RCOR1: variants seen among roughly 807,000 people sequenced by gnomAD.
The protein encoded by RCOR1 is REST corepressor.
In RCOR1, 12 loss-of-function variants were observed where a neutral mutation model predicts 64.0. The observed-to-expected ratio is 0.19, with a 90% CI of 0.12 to 0.30. The LOEUF (loss-of-function observed/expected upper bound fraction) is 0.30, where lower values mean the gene tolerates loss of function less well. RCOR1 is among the 10% of genes least tolerant of loss of function. The pLI, the probability that RCOR1 is intolerant of heterozygous loss-of-function variation, is 1.00. For missense variants in RCOR1, 502 were observed against 621.2 expected (o/e 0.81, Z 2.04); for synonymous variants, 279 against 227.2 (o/e 1.23, Z -2.05).
chr14:102,638,499 C>G (rs1220699313), intron 2 of RCOR1, among the ~76,000 whole-genome samples: 3 of 152,006 alleles, frequency 2.0e-5, no homozygotes, highest in East Asian at 1.9e-4. Flanking sequence ...GCCCCTGCCA[C>G]CATGCCCAGC....
intron 2 of RCOR1, among the ~76,000 whole-genome samples, chr14:102,616,435 A>G (rs542627382): frequency 6.6e-6 from 1 of 151,962 alleles, no homozygotes; most frequent in African/African-American, 2.4e-5. Context: ...ATGCCCAGCT[A>G]ATTAAATTTT....
At chr14:102,640,974 C>G (rs1301360192) in intron 2 of RCOR1, among the ~76,000 whole-genome samples, 1 of 152,110 alleles carries the variant, frequency 6.6e-6, no homozygotes, top group Non-Finnish European at 1.5e-5. Context: ...AGAAAAGAGG[C>G]TGGGTGTGGT....
At chr14:102,668,676 C>T (rs1894967489) in intron 2 of RCOR1, among the ~76,000 whole-genome samples, 1 of 151,942 alleles carries the variant, frequency 6.6e-6, no homozygotes, top group African/African-American at 2.4e-5. Flanking sequence ...ACATACCCCT[C>T]GTTAACCACC....
chr14:102,634,274 G>A (rs962173256), intron 2 of RCOR1, among the ~76,000 whole-genome samples: 10 of 152,028 alleles, frequency 6.6e-5, no homozygotes, highest in African/African-American at 2.2e-4. Context: ...TTGGTTGGCC[G>A]AGGCAGGAGG....
At chr14:102,617,041 A>G (rs1478598930) in intron 2 of RCOR1, among the ~76,000 whole-genome samples, 1 of 152,236 alleles carries the variant, frequency 6.6e-6, no homozygotes, top group East Asian at 1.9e-4. Context: ...AGGAAGGCCA[A>G]ATATATATTT....
At position 102,630,074 on chromosome 14, in the gene RCOR1, A is replaced by T. The variant is rs577584535; in HGVS notation, c.361+36749A>T. 28 of 825,864 alleles carry T rather than the reference A, an allele frequency of 3.4e-5. No homozygotes were observed. The African/African-American group carries it at 5.1e-4, about 15-fold the overall frequency. The allele number at this position is 825,864 out of a possible 1,614,324, so 51.2% of individuals were successfully genotyped here. ...ATGTGGTTTGTCCTTAGCAAACCTCATGTTGAAATTTGATCTCCAGTGTTG... is the reference window on the plus strand; with the variant it reads ...ATGTGGTTTGTCCTTAGCAAACCTCTTGTTGAAATTTGATCTCCAGTGTTG... On this transcript the variant is annotated intron_variant, in intron 2 of 11. Coordinates refer to ENST00000262241, the MANE Select transcript of RCOR1 (RefSeq NM_015156.4).
At chr14:102,703,083 A>T (rs537261098) in intron 4 of RCOR1, among the ~76,000 whole-genome samples, 1 of 152,366 alleles carries the variant, frequency 6.6e-6, no homozygotes, top group African/African-American at 2.4e-5. Flanking sequence ...TTGAAATGAA[A>T]AATTCACTAG....
intron 2 of RCOR1, among the ~76,000 whole-genome samples, chr14:102,669,324 G>A (rs997209072): frequency 7.7e-5 from 11 of 143,090 alleles, no homozygotes; most frequent in South Asian, 2.2e-4. Flanking sequence ...AAAAAAAAAA[G>A]AGAAAAGAAA....
At chr14:102,617,587 C>CTTTT (rs71119722) in intron 2 of RCOR1, among the ~76,000 whole-genome samples, 23 of 118,236 alleles carry the variant, frequency 1.9e-4, no homozygotes, top group Non-Finnish European at 2.7e-4. Flanking sequence ...CTGTCTCTTT[C>CTTTT]TTTTTTTTTT....
intron 4 of RCOR1, 133 bp from the exon 5 acceptor site, chr14:102,707,218 G>T: frequency 1.6e-6 from 1 of 644,152 alleles, no homozygotes; most frequent in Non-Finnish European, 2.6e-6. Flanking sequence ...CTCTGACAGT[G>T]TCTGCCACTT....
At chr14:102,659,111 G>C in intron 2 of RCOR1, 1 of 985,140 alleles carries the variant, frequency 1.0e-6, no homozygotes, top group South Asian at 4.7e-5. Context: ...TTCTAGGAAA[G>C]GTCTTTGCCC....
chr14:102,674,703 G>A (rs1042318588), intron 2 of RCOR1, among the ~76,000 whole-genome samples: 1 of 152,042 alleles, frequency 6.6e-6, no homozygotes, highest in Admixed American at 6.6e-5. Context: ...ATGGCAACTG[G>A]TAATTGCAGT....
rs149890863 is a variant in RCOR1 at position 102,696,443 on chromosome 14, G to A, written c.446-4835G>A. On this transcript the variant is annotated intron_variant, in intron 3 of 11. Coordinates refer to ENST00000262241, the MANE Select transcript of RCOR1 (RefSeq NM_015156.4). ...TCTTGTGCTTCTGACTGACAGATTGGAATGTCGGCCAGGTTGCACAGGCAG... is the reference window on the plus strand; with the variant it reads ...TCTTGTGCTTCTGACTGACAGATTGAAATGTCGGCCAGGTTGCACAGGCAG... Among the ~76,000 whole-genome samples, 73 of 152,310 alleles carry A rather than the reference G, an allele frequency of 4.8e-4. No homozygotes were observed. The East Asian group carries it at 0.013, about 26-fold the overall frequency.
chr14:102,707,548 C>A lies in RCOR1; in HGVS notation c.660+36C>A, dbSNP rs1336436066. 4.6e-6 allele frequency: 7 copies of A among 1,521,296 alleles called. No homozygotes were observed. In the African/African-American group the frequency reaches 7.0e-5, roughly 15 times the overall value. The allele number at this position is 1,521,296 out of a possible 1,614,324, so 94.2% of individuals were successfully genotyped here. A position where few individuals can be genotyped will look rare whatever the true frequency, so the allele number is the denominator to read the frequency against. On this transcript the variant is annotated intron_variant, in intron 5 of 11. Coordinates refer to ENST00000262241, the MANE Select transcript of RCOR1 (RefSeq NM_015156.4). ...GAGACCACTGAGTTCTATTTTTTTT[C>A]TCCTATCTAACTCTCTTTTGCAGCA...
At chr14:102,670,743 A>T (rs1041981796) in intron 2 of RCOR1, among the ~76,000 whole-genome samples, 39 of 72,966 alleles carry the variant, frequency 5.3e-4, no homozygotes, top group East Asian at 3.2e-3. Context: ...CAAGATTATT[A>T]TATATATATA....
intron 2 of RCOR1, chr14:102,657,441 A>C: frequency 1.0e-6 from 1 of 984,814 alleles, no homozygotes; most frequent in Non-Finnish European, 1.2e-6. Context: ...AGTTAAGACT[A>C]ATATAACACA....
chr14:102,683,654 G>A (rs1004996771), intron 3 of RCOR1, among the ~76,000 whole-genome samples: 3 of 152,182 alleles, frequency 2.0e-5, no homozygotes, highest in Non-Finnish European at 2.9e-5. Context: ...CTCTCCTCTG[G>A]GGGCGCGCTG....
intron 2 of RCOR1, among the ~76,000 whole-genome samples, chr14:102,606,959 A>G (rs1180527618): frequency 2.5e-5 from 3 of 117,954 alleles, no homozygotes; most frequent in African/African-American, 6.6e-5. Flanking sequence ...TTTGAGACGA[A>G]GTCTCACTCT....
rs1457381048 is a variant in RCOR1, at chr14:102,729,223, T to G, written c.*2717T>G. The G allele has an allele frequency of 6.5e-6, 1 of 152,696 alleles. No individual in the cohort carries two copies. The highest frequency in any genetic ancestry group is 1.5e-5 in the Non-Finnish European group (1 of 68,040). The allele number at this position is 152,696 out of a possible 1,614,324, so 9.5% of individuals were successfully genotyped here. A position where few individuals can be genotyped will look rare whatever the true frequency, so the allele number is the denominator to read the frequency against. On this transcript the variant is annotated 3_prime_UTR_variant, in exon 12 of 12. Coordinates refer to ENST00000262241, the MANE Select transcript of RCOR1 (RefSeq NM_015156.4). Reference sequence around the variant, plus strand: ...AACTCCTAAAAGATATAAATTGTATTGCATATGCATTAAAAGTTTGTTTTA... The same window carrying G: ...AACTCCTAAAAGATATAAATTGTATGGCATATGCATTAAAAGTTTGTTTTA...
Sources: gnomAD v4.1 joint callset for allele counts (sites outside exome capture counted in the v4.1 genomes callset) on GRCh38, gnomAD v4.1.1 for gene constraint, MANE v1.5 for transcripts, NCBI Gene and HGNC (gene_info 2026-07-23, HGNC 2026-07-21) for gene names.